Variants in UBE3C observed in about 807,000 individuals in gnomAD.
The protein encoded by UBE3C is ubiquitin-protein ligase E3C.
UBE3C carries 42 observed loss-of-function variants against 129.4 expected under a neutral mutation model. The ratio of observed to expected loss-of-function variants is 0.32; its 90% CI spans 0.25 to 0.42. The LOEUF (loss-of-function observed/expected upper bound fraction) is 0.42, where lower values mean the gene tolerates loss of function less well. UBE3C is among the 10% of genes least tolerant of loss of function. The probability of loss-of-function intolerance (pLI) is 1.00; values close to 1 mark genes in which losing one functional copy is unlikely to be tolerated. For missense variants in UBE3C, 1,049 were observed against 1,319.1 expected, an observed-to-expected ratio of 0.80 and a Z score of 3.17; for synonymous variants, 510 against 492.4, an observed-to-expected ratio of 1.04 and a Z score of -0.47.
chr7:157,186,836 G>C lies in UBE3C; in HGVS notation c.1146G>C (p.Glu382Asp), dbSNP rs375277308. ...SEEADKPSSPEDGRLSVSYIT... is the reference protein window; with the variant it reads ...SEEADKPSSPDDGRLSVSYIT... ...CTGGTTGTTCTGGTATGTTCTAGGA[G>C]GATGGCAGACTGTCAGTATCATACA... Residue 382 changes from glutamate to aspartate, a missense_variant and splice_region_variant, in exon 10 of 23, where the codon GAG becomes GAC. Glu to Asp is a conservative substitution (Grantham distance 45). This residue lies in a region of UBE3C where 489 missense variants were observed against 513.8 expected (regional missense o/e 0.95). Transcript: ENST00000348165. 2.5e-6 allele frequency: 4 copies of C among 1,614,006 alleles called. No homozygotes were observed. Among genetic ancestry groups the C allele is most frequent in the East Asian group, 2.2e-5 (1 of 44,896 alleles).
At chr7:157,227,856 G>C (rs1182360) in intron 17 of UBE3C, among the ~76,000 whole-genome samples, 78,606 of 152,094 alleles carry the variant, frequency 0.52, 23,273 homozygotes, top group Non-Finnish European at 0.66. Flanking sequence ...TAATTGCATT[G>C]AAGTTAAAAG....
chr7:157,174,456 T>C (rs1296084143), intron 4 of UBE3C, among the ~76,000 whole-genome samples: 1 of 152,198 alleles, frequency 6.6e-6, no homozygotes, highest in Non-Finnish European at 1.5e-5. Context: ...CAAATACTTT[T>C]GTTTTTTTGG....
intron 9 of UBE3C, among the ~76,000 whole-genome samples, chr7:157,185,974 A>G (rs1342881344): frequency 6.6e-6 from 1 of 152,164 alleles, no homozygotes; most frequent in East Asian, 1.9e-4. Flanking sequence ...ATATATATAT[A>G]TTCATATATA....
At chr7:157,199,696 C>T (rs1043625271) in intron 10 of UBE3C, among the ~76,000 whole-genome samples, 1 of 151,918 alleles carries the variant, frequency 6.6e-6, no homozygotes. Context: ...GTCTCGAACT[C>T]CTGACCTCAA....
At chr7:157,190,129 G>A (rs1008492504) in intron 10 of UBE3C, among the ~76,000 whole-genome samples, 12 of 152,122 alleles carry the variant, frequency 7.9e-5, no homozygotes, top group African/African-American at 2.9e-4. Flanking sequence ...TTGGTCCTCT[G>A]GGTAATCTCT....
intron 16 of UBE3C, among the ~76,000 whole-genome samples, chr7:157,224,790 ACACTCT>A (rs1336300343): frequency 6.8e-6 from 1 of 148,054 alleles, no homozygotes; most frequent in African/African-American, 2.6e-5. Context: ...ACACACACAC[ACACTCT>A]CTCTCTCTCT....
intron 1 of UBE3C, among the ~76,000 whole-genome samples, chr7:157,160,665 C>T (rs188314090): frequency 1.5e-4 from 23 of 152,144 alleles, no homozygotes; most frequent in African/African-American, 5.3e-4. Flanking sequence ...TCTGTCTTTC[C>T]CTTGTTAATT....
At chr7:157,199,256 G>A (rs889819758) in intron 10 of UBE3C, among the ~76,000 whole-genome samples, 1 of 151,908 alleles carries the variant, frequency 6.6e-6, no homozygotes, top group Non-Finnish European at 1.5e-5. Context: ...CGTATTTTTC[G>A]TAGCTTTTTT....
At chr7:157,251,002 TA>T (rs1224905616) in intron 19 of UBE3C, among the ~76,000 whole-genome samples, 1 of 152,326 alleles carries the variant, frequency 6.6e-6, no homozygotes, top group East Asian at 1.9e-4. Context: ...AGTGTGAAGT[TA>T]AGATGTTCCA....
chr7:157,182,693 A>G (rs559672065), intron 8 of UBE3C, among the ~76,000 whole-genome samples: 1 of 151,992 alleles, frequency 6.6e-6, no homozygotes, highest in Non-Finnish European at 1.5e-5. Context: ...ATACATACAT[A>G]CATGCATGAA....
In UBE3C at chr7:157,163,830, A is replaced by C. The variant is rs146771781; in HGVS notation, c.87A>C (p.Leu29Phe). 4 of 1,613,680 alleles carry C rather than the reference A, an allele frequency of 2.5e-6. No homozygotes were observed. Among genetic ancestry groups the C allele is most frequent in the Admixed American group, 3.3e-5 (2 of 60,024 alleles). Residue 29 changes from leucine to phenylalanine, a missense_variant, in exon 2 of 23, where the codon TTA becomes TTC. Leu to Phe is a conservative substitution (Grantham distance 22). Coordinates refer to ENST00000348165, the MANE Select transcript of UBE3C (RefSeq NM_014671.3). ...ASRKEEKASL[L>F]HRTQEERRKR... is the part of the protein sequence containing the mutation. ...TGTAGGAGGAAAAGGCTTCTCTTTT[A>C]CATCGTACTCAGGAAGAAAGAAGAA...
At chr7:157,234,892 A>G (rs1796114142) in intron 18 of UBE3C, among the ~76,000 whole-genome samples, 1 of 152,148 alleles carries the variant, frequency 6.6e-6, no homozygotes, top group Admixed American at 6.6e-5. Flanking sequence ...AATTCATTGT[A>G]TGAAAATCTT....
intron 10 of UBE3C, chr7:157,198,242 T>C: frequency 1.5e-6 from 2 of 1,311,998 alleles, no homozygotes; most frequent in Non-Finnish European, 2.2e-6. Context: ...ATCTGTATCC[T>C]CCACCTGTAA....
chr7:157,264,018 A>C (rs1471933601), intron 22 of UBE3C, among the ~76,000 whole-genome samples: 8 of 152,002 alleles, frequency 5.3e-5, no homozygotes, highest in Middle Eastern at 3.2e-3. Flanking sequence ...GTGATCTCCC[A>C]CACCAGCCTC....
intron 15 of UBE3C, chr7:157,222,196 A>C (rs574287845): frequency 6.6e-6 from 1 of 152,172 alleles, no homozygotes; most frequent in East Asian, 1.9e-4. Flanking sequence ...TAGTTATTGA[A>C]TTTTGAGAGT....
rs1172093115 is a variant in UBE3C at position 157,253,999 on chromosome 7, G to A, written c.2740G>A (p.Ala914Thr). ...TGGGAAAGACATCCCTGTCACCAGC[G>A]CCAACCGGATTGCGTACATCCACTT... ...FGGKDIPVTS[A>T]NRIAYIHLVA... The change falls in exon 20 of 23, where the codon GCC becomes ACC. Residue 914 changes from alanine to threonine, a missense_variant. Physicochemically the swap from Ala to Thr is moderately conservative, Grantham distance 58. This residue lies in a region of UBE3C where 243 missense variants were observed against 368.7 expected (regional missense o/e 0.66). Transcript: ENST00000348165. 4 of 1,609,642 alleles carry A rather than the reference G, an allele frequency of 2.5e-6. No homozygotes were observed. Among genetic ancestry groups the A allele is most frequent in the East Asian group, 2.2e-5 (1 of 44,690 alleles).
At chr7:157,188,491 G>C (rs997353983) in intron 10 of UBE3C, among the ~76,000 whole-genome samples, 8 of 152,250 alleles carry the variant, frequency 5.3e-5, no homozygotes, top group African/African-American at 1.9e-4. Flanking sequence ...CAGGATGTGA[G>C]ATCTGAGGAT....
chr7:157,232,898 T>A (rs1796058348), intron 18 of UBE3C, among the ~76,000 whole-genome samples: 1 of 152,226 alleles, frequency 6.6e-6, no homozygotes, highest in South Asian at 2.1e-4. Flanking sequence ...TATTAAAATA[T>A]AACTCACATT....
intron 1 of UBE3C, among the ~76,000 whole-genome samples, chr7:157,147,979 G>A (rs185682636): frequency 9.2e-5 from 14 of 152,200 alleles, no homozygotes; most frequent in Admixed American, 3.3e-4. Flanking sequence ...TTTTGATGAG[G>A]GACATCAATT....
Sources: allele counts gnomAD v4.1 joint callset (sites outside exome capture counted in the v4.1 genomes callset), GRCh38; gene constraint gnomAD v4.1.1; regional missense constraint gnomAD v4.1.1; transcripts MANE v1.5; gene names NCBI Gene and HGNC (gene_info 2026-07-23, HGNC 2026-07-21).